Variants in SERGEF observed in about 807,000 individuals in gnomAD.
The protein encoded by SERGEF is secretion-regulating guanine nucleotide exchange factor.
SERGEF carries 51 observed loss-of-function variants against 50.0 expected under a neutral mutation model. The observed-to-expected ratio is 1.02, with a 90% CI of 0.81 to 1.29. The LOEUF is 1.29. Among genes scored for constraint, SERGEF ranks in the 50% most tolerant of loss-of-function variants. The pLI is 0.00. For missense variants in SERGEF, 521 were observed against 557.0 expected, an observed-to-expected ratio of 0.94 and a Z score of 0.65; for synonymous variants, 205 against 212.4, an observed-to-expected ratio of 0.97 and a Z score of 0.30.
At chr11:17,994,494 A>AAT (rs1417495585) in intron 6 of SERGEF, among the ~76,000 whole-genome samples, 1 of 151,410 alleles carries the variant, frequency 6.6e-6, no homozygotes, top group Non-Finnish European at 1.5e-5. Flanking sequence ...AAAAAAAAAA[A>AAT]AAAAATTCTT....
intron 8 of SERGEF, among the ~76,000 whole-genome samples, chr11:17,962,628 T>C (rs565592365): frequency 7.9e-5 from 12 of 152,230 alleles, no homozygotes; most frequent in African/African-American, 2.6e-4. Context: ...ATAAGGCATG[T>C]CCATGTAAGA....
intron 9 of SERGEF, among the ~76,000 whole-genome samples, chr11:17,882,151 C>CA (rs1851342201): frequency 1.3e-5 from 2 of 152,182 alleles, no homozygotes; most frequent in African/African-American, 4.8e-5. Context: ...TGTGGTGGCT[C>CA]ACGTGTGTAA....
At chr11:17,840,813 G>C (rs1289453105) in intron 10 of SERGEF, among the ~76,000 whole-genome samples, 1 of 152,154 alleles carries the variant, frequency 6.6e-6, no homozygotes, top group Non-Finnish European at 1.5e-5. Flanking sequence ...AAGCCAGATG[G>C]GTTCTGGGGC....
At chr11:17,794,768 C>T (rs1478585549) in intron 10 of SERGEF, among the ~76,000 whole-genome samples, 15 of 152,182 alleles carry the variant, frequency 9.9e-5, no homozygotes, top group Admixed American at 9.8e-4. Flanking sequence ...TGGCTCCAGG[C>T]CCTCTTCTAT....
chr11:17,980,457 T>C (rs1565221912), intron 8 of SERGEF, among the ~76,000 whole-genome samples: 1 of 152,244 alleles, frequency 6.6e-6, no homozygotes, highest in African/African-American at 2.4e-5. Flanking sequence ...TAAGTGATCT[T>C]ATTAACTTTA....
At chr11:17,803,244 G>C (rs1452335227) in intron 10 of SERGEF, among the ~76,000 whole-genome samples, 1 of 152,254 alleles carries the variant, frequency 6.6e-6, no homozygotes, top group Non-Finnish European at 1.5e-5. Flanking sequence ...AGAGCTAGAG[G>C]TTGAACAGAC....
rs932069191 is a variant in SERGEF, at chr11:18,012,973, G to A, written c.38C>T (p.Ala13Val). ...TACCCAGGCGAAGAGCGCGGCCGCCGCGGGGGCGGCCTCCGAGGCGCTGGG... is the reference window on the plus strand; with the variant it reads ...TACCCAGGCGAAGAGCGCGGCCGCCACGGGGGCGGCCTCCGAGGCGCTGGG... ...REPSASEAAPAAAALFAWGAN... is the reference protein window; with the variant it reads ...REPSASEAAPVAAALFAWGAN... Residue 13 changes from alanine to valine, a missense_variant, in exon 1 of 11, where the codon GCG becomes GTG. Transcript: ENST00000265965. 6 of 1,472,550 alleles carry A rather than the reference G, an allele frequency of 4.1e-6. No individual in the cohort carries two copies. The highest frequency in any genetic ancestry group is 4.7e-4 in the Middle Eastern group (2 of 4,284). 91.2% of individuals were successfully genotyped at this position (1,472,550 alleles called of 1,614,324 possible).
chr11:17,946,052 C>A (rs1359825385), intron 9 of SERGEF, among the ~76,000 whole-genome samples: 1 of 152,040 alleles, frequency 6.6e-6, no homozygotes, highest in African/African-American at 2.4e-5. Flanking sequence ...AGAGCTCTAG[C>A]CAACTAGAAT....
intron 2 of SERGEF, among the ~76,000 whole-genome samples, chr11:18,007,527 G>C (rs77254534): frequency 2.0e-5 from 3 of 152,284 alleles, no homozygotes; most frequent in Non-Finnish European, 4.4e-5. Context: ...TGTACTACTT[G>C]TTAAGTGCTA....
At chr11:17,852,986 G>A (rs1565185665) in intron 10 of SERGEF, among the ~76,000 whole-genome samples, 1 of 152,192 alleles carries the variant, frequency 6.6e-6, no homozygotes, top group Non-Finnish European at 1.5e-5. Flanking sequence ...GGACCAGGGA[G>A]GGGAAAGTGG....
intron 9 of SERGEF, among the ~76,000 whole-genome samples, chr11:17,916,104 T>A (rs1005505364): frequency 1.3e-5 from 2 of 152,226 alleles, no homozygotes; most frequent in Admixed American, 1.3e-4. Context: ...TCCATCTGGA[T>A]GCAATGAAGA....
intron 10 of SERGEF, among the ~76,000 whole-genome samples, chr11:17,817,630 A>G (rs1488918874): frequency 6.6e-6 from 1 of 152,238 alleles, no homozygotes; most frequent in East Asian, 1.9e-4. Context: ...TTTGATCAAT[A>G]TAACAAAGCT....
chr11:17,881,316 T>C (rs753196098), intron 9 of SERGEF, among the ~76,000 whole-genome samples: 22 of 152,222 alleles, frequency 1.4e-4, no homozygotes, highest in Non-Finnish European at 1.5e-4. Context: ...AAACAAGCCA[T>C]TGACAAATGT....
chr11:17,973,668 C>T (rs1373133063), intron 8 of SERGEF, among the ~76,000 whole-genome samples: 1 of 152,146 alleles, frequency 6.6e-6, no homozygotes, highest in African/African-American at 2.4e-5. Flanking sequence ...GGGAAACTGT[C>T]CCAGGTTCTT....
intron 9 of SERGEF, among the ~76,000 whole-genome samples, chr11:17,902,076 G>C (rs759388543): frequency 4.6e-5 from 7 of 152,206 alleles, no homozygotes; most frequent in Admixed American, 6.5e-5. Context: ...TTGTTGGACA[G>C]ATAAAAGGTT....
intron 8 of SERGEF, among the ~76,000 whole-genome samples, chr11:17,963,360 T>C (rs1590221221): frequency 9.4e-6 from 1 of 106,036 alleles, no homozygotes; most frequent in African/African-American, 4.1e-5. Flanking sequence ...TTGCTTACTA[T>C]TAGTAAAAAA....
chr11:17,905,046 T>A (rs1393766409), intron 9 of SERGEF, among the ~76,000 whole-genome samples: 1 of 152,230 alleles, frequency 6.6e-6, no homozygotes, highest in Non-Finnish European at 1.5e-5. Context: ...AAATACTTCA[T>A]TTGATTAGCA....
chr11:17,840,235 C>T (rs1565182055), intron 10 of SERGEF, among the ~76,000 whole-genome samples: 1 of 152,228 alleles, frequency 6.6e-6, no homozygotes, highest in Non-Finnish European at 1.5e-5. Flanking sequence ...ATTTTAGATA[C>T]ACTACAGGAT....
chr11:18,007,875 TATC>T (rs1854114876), intron 2 of SERGEF, 63 bp downstream of exon 2: 1 of 1,442,210 alleles, frequency 6.9e-7, no homozygotes, highest in African/African-American at 1.4e-5. Context: ...AAGATGGCAA[TATC>T]ATATCCAGGG....
Sources: gnomAD v4.1 joint callset for allele counts (sites outside exome capture counted in the v4.1 genomes callset) on GRCh38, gnomAD v4.1.1 for gene constraint, MANE v1.5 for transcripts, NCBI Gene and HGNC (gene_info 2026-07-23, HGNC 2026-07-21) for gene names.